CD180: variants seen among roughly 807,000 people sequenced by gnomAD.
CD180 encodes the protein CD180 antigen.
Under a neutral mutation model 10.7 loss-of-function variants are expected in CD180, and 11 were observed. The ratio of observed to expected loss-of-function variants is 1.03; its 90% CI spans 0.65 to 1.70. CD180 has a LOEUF of 1.70. Among genes scored for constraint, CD180 ranks in the 40% most tolerant of loss-of-function variants. The probability of loss-of-function intolerance (pLI) is 0.00; values close to 1 mark genes in which losing one functional copy is unlikely to be tolerated. For synonymous variants in CD180, 286 were observed against 294.6 expected, an observed-to-expected ratio of 0.97 and a Z score of 0.30; for missense variants, 729 against 775.2, an observed-to-expected ratio of 0.94 and a Z score of 0.71.
chr5:67,189,479 C>T (rs192332752), intron 1 of CD180, among the ~76,000 whole-genome samples: 1 of 152,296 alleles, frequency 6.6e-6, no homozygotes, highest in East Asian at 1.9e-4. Context: ...AATATTGAAT[C>T]ATCTCTGGTT....
At position 67,185,974 on chromosome 5, in the gene CD180, C is replaced by G. The variant is rs1330065707; in HGVS notation, c.134G>C (p.Ser45Thr). The G allele has an allele frequency of 1.2e-6, 2 of 1,605,478 alleles. No homozygotes were observed. Among genetic ancestry groups the G allele is most frequent in the Non-Finnish European group, 1.7e-6 (2 of 1,176,486 alleles). Residue 45 changes from serine (S) to threonine (T), a missense_variant, in exon 2 of 3, where the codon AGT becomes ACT. Coordinates refer to ENST00000256447, the MANE Select transcript of CD180 (RefSeq NM_005582.3). ...GTTTGGTAGAGTGTCAGGGATTTCACTGAGACCTAAATTTTCACAGTTATA... is the reference window on the plus strand; with the variant it reads ...GTTTGGTAGAGTGTCAGGGATTTCAGTGAGACCTAAATTTTCACAGTTATA... ...KTYNCENLGL[S>T]EIPDTLPNTT...
At chr5:67,195,878 T>A (rs950619885) in intron 1 of CD180, among the ~76,000 whole-genome samples, 1 of 152,158 alleles carries the variant, frequency 6.6e-6, no homozygotes, top group South Asian at 2.1e-4. Flanking sequence ...ACTTGTGGGG[T>A]CAGAGAAAGT....
At chr5:67,188,119 A>G (rs1742235792) in intron 1 of CD180, among the ~76,000 whole-genome samples, 1 of 151,900 alleles carries the variant, frequency 6.6e-6, no homozygotes, top group Admixed American at 6.6e-5. Flanking sequence ...GCAGTGAGCC[A>G]AGATTGCACC....
chr5:67,187,829 T>C (rs139822601), intron 1 of CD180, among the ~76,000 whole-genome samples: 44 of 152,276 alleles, frequency 2.9e-4, no homozygotes, highest in African/African-American at 1.1e-3. Context: ...GGGAGGTGAT[T>C]GGATCATGAA....
In CD180 at chr5:67,184,370, C is replaced by T. The variant is rs1227293954; in HGVS notation, c.473G>A (p.Ser158Asn). The change falls in exon 3 of 3, where the codon AGC becomes AAC. Residue 158 changes from serine (S) to asparagine (N), a missense_variant. Coordinates refer to ENST00000256447, the MANE Select transcript of CD180 (RefSeq NM_005582.3). ...LENLESLYLGSNHISSIKFPK... is the reference protein window; with the variant it reads ...LENLESLYLGNNHISSIKFPK... ...GAACTTAATGGAGGAAATATGGTTGCTTCCAAGATACAAGCTTTCCAAGTT... is the reference window on the plus strand; with the variant it reads ...GAACTTAATGGAGGAAATATGGTTGTTTCCAAGATACAAGCTTTCCAAGTT... The T allele has an allele frequency of 6.2e-7, 1 of 1,613,856 alleles. No homozygotes were observed. The highest frequency in any genetic ancestry group is 1.7e-5 in the Admixed American group (1 of 60,002).
At chr5:67,193,073 AT>A in intron 1 of CD180, among the ~76,000 whole-genome samples, 1 of 152,286 alleles carries the variant, frequency 6.6e-6, no homozygotes, top group South Asian at 2.1e-4. Context: ...CAAGTTCCTC[AT>A]TTGTTCCCTG....
intron 1 of CD180, among the ~76,000 whole-genome samples, chr5:67,195,375 C>T (rs904670770): frequency 6.6e-6 from 1 of 152,140 alleles, no homozygotes; most frequent in African/African-American, 2.4e-5. Context: ...TGCCACCATG[C>T]CCAGCTAATA....
intron 1 of CD180, 61 bp downstream of exon 1, chr5:67,196,491 T>C: frequency 6.5e-7 from 1 of 1,550,010 alleles, no homozygotes; most frequent in Non-Finnish European, 8.9e-7. Flanking sequence ...TTGGACTGCG[T>C]GCTAAATCTC....
Position 67,183,269 on chromosome 5 carries a change from A to T in CD180, c.1574T>A (p.Val525Glu), listed in dbSNP as rs1742097552. ...AFHSLGKMSH[V>E]DLSHNSLTCD... is the part of the protein sequence containing the mutation. The stretch of plus-strand genomic sequence containing the variant: ...TGTCAGGCTGTTGTGGCTTAAGTCT[A>T]CATGGCTCATTTTTCCCAAGCTGTG... Residue 525 changes from valine (V) to glutamate (E), a missense_variant, in exon 3 of 3, where the codon GTA becomes GAA. Val to Glu is a moderately radical substitution (Grantham distance 121). Transcript: ENST00000256447. 6.2e-7 allele frequency: 1 copy of T among 1,614,190 alleles called. No individual in the cohort carries two copies. Among genetic ancestry groups the T allele is most frequent in the African/African-American group, 1.3e-5 (1 of 75,062 alleles).
Position 67,185,992 on chromosome 5 carries a change from C to A in CD180, c.116G>T (p.Cys39Phe). The A allele has an allele frequency of 6.3e-7, 1 of 1,599,116 alleles. No individual in the cohort carries two copies. The highest frequency in any genetic ancestry group is 8.5e-7 in the Non-Finnish European group (1 of 1,173,218). ...IEKEANKTYN[C>F]ENLGLSEIPD... ...GATTTCACTGAGACCTAAATTTTCA[C>A]AGTTATATGTTTTGTTGGCTTCTTT... Residue 39 changes from cysteine (C) to phenylalanine (F), a missense_variant, in exon 2 of 3, where the codon TGT becomes TTT. Transcript: ENST00000256447.
Position 67,181,787 on chromosome 5 carries a change from C to T in CD180, c.*1070G>A, listed in dbSNP as rs924767760. The T allele has an allele frequency of 1.3e-5, 2 of 152,198 alleles. No homozygotes were observed. The highest frequency in any genetic ancestry group is 2.9e-5 in the Non-Finnish European group (2 of 68,050). 9.4% of individuals were successfully genotyped at this position (152,198 alleles called of 1,614,324 possible). A position where few individuals can be genotyped will look rare whatever the true frequency, so the allele number is the denominator to read the frequency against. Reference sequence around the variant, plus strand: ...TATCTGCATTCAGTGGTTCAGGCCCCTGTCCATGGCTGGTGTGACCTTTGG... The same window carrying T: ...TATCTGCATTCAGTGGTTCAGGCCCTTGTCCATGGCTGGTGTGACCTTTGG... On this transcript the variant is annotated 3_prime_UTR_variant, in exon 3 of 3. Transcript: ENST00000256447.
rs994707007 is a variant in CD180 at position 67,196,694 on chromosome 5, G to T, written c.-53C>A. On this transcript the variant is annotated 5_prime_UTR_variant, in exon 1 of 3. Coordinates refer to ENST00000256447, the MANE Select transcript of CD180 (RefSeq NM_005582.3). ...ACCTAATGCTTGGAGCTGAGAAATG[G>T]AATCAAACTGTGAAGGCCCTGGCAA... is the stretch of plus-strand genomic sequence containing the variant. The T allele has an allele frequency of 1.1e-4, 183 of 1,606,304 alleles. No individual in the cohort carries two copies. The highest frequency in any genetic ancestry group is 1.5e-4 in the Non-Finnish European group (178 of 1,175,308).
chr5:67,192,110 G>A (rs1448744432), intron 1 of CD180, among the ~76,000 whole-genome samples: 1 of 152,168 alleles, frequency 6.6e-6, no homozygotes, highest in East Asian at 1.9e-4. Context: ...GAACTTTGGG[G>A]CCGGGCACGG....
rs755490054 is a variant in CD180, at chr5:67,184,278, A to C, written c.565T>G (p.Ser189Ala). The change falls in exon 3 of 3, where the codon TCT becomes GCT. Residue 189 changes from serine to alanine, a missense_variant. Physicochemically the swap from Ser to Ala is moderately conservative, Grantham distance 99. Coordinates refer to ENST00000256447, the MANE Select transcript of CD180 (RefSeq NM_005582.3). ...TCCAGAGACCTCATGTCTTCTCTAG[A>C]GATGTAGTGTATAGCATTATTCTGA... The part of the protein sequence containing the change: ...DFQNNAIHYI[S>A]REDMRSLEQA... 3.7e-6 allele frequency: 6 copies of C among 1,614,136 alleles called. No homozygotes were observed. Among genetic ancestry groups the C allele is most frequent in the South Asian group, 1.1e-5 (1 of 91,090 alleles).
intron 1 of CD180, among the ~76,000 whole-genome samples, chr5:67,193,697 C>A (rs1044400393): frequency 1.2e-4 from 18 of 152,202 alleles, no homozygotes; most frequent in African/African-American, 4.3e-4. Flanking sequence ...AAAGGAAAGA[C>A]TTTGCTGCCA....
In CD180 at chr5:67,184,201, A is replaced by C. The variant is rs1334794888; in HGVS notation, c.642T>G (p.Ile214Met). ...LNFNGNNVKG[I>M]ELGAFDSTIF... ...TCGTTGAATCAAAAGCCCCAAGCTC[A>C]ATACCTTTAACATTATTGCCATTGA... is the stretch of plus-strand genomic sequence containing the variant. Residue 214 changes from isoleucine to methionine, a missense_variant, in exon 3 of 3, where the codon ATT becomes ATG. Transcript: ENST00000256447. The C allele has an allele frequency of 6.2e-7, 1 of 1,614,150 alleles. No homozygotes were observed. The highest frequency in any genetic ancestry group is 8.5e-7 in the Non-Finnish European group (1 of 1,180,012).
At chr5:67,193,164 C>T (rs916752622) in intron 1 of CD180, among the ~76,000 whole-genome samples, 5 of 152,306 alleles carry the variant, frequency 3.3e-5, no homozygotes, top group Admixed American at 1.3e-4. Context: ...AAGTCTCCTT[C>T]GTCAAATTCC....
Position 67,182,794 on chromosome 5 carries a change from G to A in CD180, c.*63C>T. On this transcript the variant is annotated 3_prime_UTR_variant, in exon 3 of 3. Transcript: ENST00000256447. ...CTGGTCTGGTCACCAGCAGATGACA[G>A]TTCTTTCACTTAGAGCAATTTTGCT... The A allele has an allele frequency of 7.2e-7, 1 of 1,388,946 alleles. No homozygotes were observed. The highest frequency in any genetic ancestry group is 2.3e-5 in the East Asian group (1 of 43,300). 86.0% of individuals were successfully genotyped at this position (1,388,946 alleles called of 1,614,324 possible). A position where few individuals can be genotyped will look rare whatever the true frequency, so the allele number is the denominator to read the frequency against.
At position 67,183,720 on chromosome 5, in the gene CD180, GT is replaced by G; in HGVS notation, c.1122del (p.Asp376IlefsTer2). The part of the protein sequence containing the change: ...GCLEKLGNLQ[T>X]LDLSHNDIEA... ...TCTATGTCATTATGGCTTAAATCAA[GT>G]GTCTGAAGGTTTCCTAGTTTCTCCA... On this transcript the variant is annotated frameshift_variant, in exon 3 of 3. Coordinates refer to ENST00000256447, the MANE Select transcript of CD180 (RefSeq NM_005582.3). LOFTEE classifies it low-confidence loss of function (END_TRUNC). 1.5e-5 allele frequency: 25 copies of G among 1,614,184 alleles called. No individual in the cohort carries two copies. The highest frequency in any genetic ancestry group is 1.9e-5 in the Non-Finnish European group (22 of 1,180,034).
Sources: allele counts gnomAD v4.1 joint callset (sites outside exome capture counted in the v4.1 genomes callset), GRCh38; gene constraint gnomAD v4.1.1; transcripts MANE v1.5; gene names NCBI Gene and HGNC (gene_info 2026-07-23, HGNC 2026-07-21).